TMEM132C: variants seen among roughly 807,000 people sequenced by gnomAD.
TMEM132C encodes the protein protein phosphatase 1, regulatory subunit 152.
A neutral mutation model predicts 61.4 loss-of-function variants in TMEM132C; 29 were observed. That is an observed-to-expected ratio of 0.47 (90% confidence interval 0.35 to 0.64). The LOEUF is 0.64. Among genes scored for constraint, TMEM132C ranks in the 30% least tolerant of loss-of-function variants. TMEM132C has a pLI of 0.00. For missense variants in TMEM132C, 1,408 were observed against 1,476.9 expected (o/e 0.95, Z 0.76); for synonymous variants, 656 against 633.1 (o/e 1.04, Z -0.54).
At chr12:128,654,385 G>A (rs1287709876) in intron 4 of TMEM132C, among the ~76,000 whole-genome samples, 2 of 152,264 alleles carry the variant, frequency 1.3e-5, no homozygotes, top group African/African-American at 4.8e-5. Context: ...CAGCCTCAGA[G>A]GGAGCACGGC....
Position 128,470,286 on chromosome 12 carries a change from A to C in TMEM132C, c.974+54666A>C, listed in dbSNP as rs1551602. Among the ~76,000 whole-genome samples the C allele has an allele frequency of 6.7e-3, 1,026 of 152,258 alleles. 11 individuals carry two copies. Among genetic ancestry groups the C allele is most frequent in the South Asian group, 0.044 (213 of 4,828 alleles). On this transcript the variant is annotated intron_variant, in intron 2 of 8. Transcript: ENST00000435159. ...TGCTTATGATGGACGATTTCCAACC[A>C]GTGAACTCTGACAGCAAAGAGGCAT...
intron 3 of TMEM132C, among the ~76,000 whole-genome samples, chr12:128,594,090 G>A (rs966225643): frequency 3.2e-5 from 4 of 124,218 alleles, no homozygotes; most frequent in African/African-American, 9.1e-5. Context: ...ATCAGCCAAG[G>A]GAGAGCCCCC....
At chr12:128,694,325 G>A (rs1285400174) in intron 6 of TMEM132C, among the ~76,000 whole-genome samples, 2 of 152,158 alleles carry the variant, frequency 1.3e-5, no homozygotes, top group Non-Finnish European at 2.9e-5. Flanking sequence ...TGGTTACCAG[G>A]TAATTTGAAG....
chr12:128,437,133 C>G (rs186542777), intron 2 of TMEM132C, among the ~76,000 whole-genome samples: 3 of 152,086 alleles, frequency 2.0e-5, no homozygotes, highest in Admixed American at 2.0e-4. Flanking sequence ...ACATCACACA[C>G]TGGGGCATGT....
chr12:128,442,392 C>T (rs2136048494), intron 2 of TMEM132C, among the ~76,000 whole-genome samples: 1 of 152,334 alleles, frequency 6.6e-6, no homozygotes, highest in African/African-American at 2.4e-5. Context: ...CTCGCCCTGA[C>T]TATTCATTAG....
intron 1 of TMEM132C, among the ~76,000 whole-genome samples, chr12:128,283,989 C>G (rs1199170184): frequency 6.6e-6 from 1 of 152,178 alleles, no homozygotes; most frequent in Non-Finnish European, 1.5e-5. Context: ...TACATGAACT[C>G]CATTATATTA....
chr12:128,631,997 G>C (rs193302292), intron 4 of TMEM132C, among the ~76,000 whole-genome samples: 1 of 152,270 alleles, frequency 6.6e-6, no homozygotes, highest in South Asian at 2.1e-4. Context: ...GAGTGGGGAT[G>C]GGGGGAAGGG....
chr12:128,288,001 G>C (rs1182177668), intron 1 of TMEM132C, among the ~76,000 whole-genome samples: 1 of 151,612 alleles, frequency 6.6e-6, no homozygotes, highest in Non-Finnish European at 1.5e-5. Flanking sequence ...TGTGTGTTTG[G>C]TGCAGTCTTA....
At chr12:128,331,963 T>C (rs1872675176) in intron 1 of TMEM132C, among the ~76,000 whole-genome samples, 1 of 152,212 alleles carries the variant, frequency 6.6e-6, no homozygotes. Context: ...TCATACTGTA[T>C]CTTTCTCCAG....
At chr12:128,672,012 A>C (rs960025796) in intron 5 of TMEM132C, among the ~76,000 whole-genome samples, 2 of 152,230 alleles carry the variant, frequency 1.3e-5, no homozygotes, top group Admixed American at 6.5e-5. Flanking sequence ...GCCACATTCA[A>C]AAAAAGTTTT....
intron 2 of TMEM132C, among the ~76,000 whole-genome samples, chr12:128,456,043 T>C (rs1565941536): frequency 6.6e-6 from 1 of 152,078 alleles, no homozygotes; most frequent in South Asian, 2.1e-4. Context: ...AGTAAATGCT[T>C]GGGATGATGT....
chr12:128,477,156 C>G (rs1181386452), intron 2 of TMEM132C, among the ~76,000 whole-genome samples: 2 of 152,150 alleles, frequency 1.3e-5, no homozygotes, highest in Non-Finnish European at 2.9e-5. Flanking sequence ...GGGGAGGGAA[C>G]TGGTTGGCCG....
At chr12:128,697,132 G>C (rs1309043261) in intron 7 of TMEM132C, 92 bp from the exon 8 acceptor site, 5 of 1,193,584 alleles carry the variant, frequency 4.2e-6, no homozygotes, top group Non-Finnish European at 5.8e-6. Context: ...TGGACCTCAG[G>C]CCTGTTGGGA....
chr12:128,378,298 A>G lies in TMEM132C; in HGVS notation c.86-36434A>G, dbSNP rs189977797. On this transcript the variant is annotated intron_variant, in intron 1 of 8. Coordinates refer to ENST00000435159, the MANE Select transcript of TMEM132C (RefSeq NM_001136103.3). ...CCCGGCTAATTTTTTTGTATTTTTT[A>G]GTAGAGACGGGGTTTGACCATGTTA... 6.3e-3 allele frequency among the ~76,000 whole-genome samples: 953 copies of G among 152,000 alleles called. 12 individuals are homozygous for G. Among genetic ancestry groups the G allele is most frequent in the African/African-American group, 0.02 (827 of 41,436 alleles).
At chr12:128,429,290 A>G (rs192950839) in intron 2 of TMEM132C, among the ~76,000 whole-genome samples, 49 of 152,328 alleles carry the variant, frequency 3.2e-4, no homozygotes, top group Non-Finnish European at 5.6e-4. Context: ...CAGCCTCCCC[A>G]CTAACCCCAC....
At chr12:128,476,609 A>C (rs1438423415) in intron 2 of TMEM132C, among the ~76,000 whole-genome samples, 1 of 152,218 alleles carries the variant, frequency 6.6e-6, no homozygotes, top group East Asian at 1.9e-4. Flanking sequence ...AAAACACAGA[A>C]TTTGCTAAAA....
In TMEM132C at chr12:128,670,961, T is replaced by C. The variant is rs76549926; in HGVS notation, c.1449+1401T>C. 9.9e-3 allele frequency among the ~76,000 whole-genome samples: 1,502 copies of C among 152,150 alleles called. 18 individuals are homozygous for C. Among genetic ancestry groups the C allele is most frequent in the African/African-American group, 0.034 (1,398 of 41,500 alleles). ...TTTCAAGGTTAGCAGCAAATTCTAA[T>C]TTTTTTTAATGGGCAAAAAAATAAA... On this transcript the variant is annotated intron_variant, in intron 5 of 8. Transcript: ENST00000435159.
In TMEM132C at chr12:128,466,162, T is replaced by C. The variant is rs11059705; in HGVS notation, c.974+50542T>C. On this transcript the variant is annotated intron_variant, in intron 2 of 8. Coordinates refer to ENST00000435159, the MANE Select transcript of TMEM132C (RefSeq NM_001136103.3). ...TGAGACAGCGATGCCGCTGCTGCGA[T>C]GGAGAACTAGCCAGCATGTGTGAAG... Among the ~76,000 whole-genome samples the C allele has an allele frequency of 7.1e-3, 1,087 of 152,198 alleles. 11 individuals carry two copies. The highest frequency in any genetic ancestry group is 0.024 in the African/African-American group (1,001 of 41,532).
chr12:128,493,757 G>A (rs1212347623), intron 2 of TMEM132C, among the ~76,000 whole-genome samples: 3 of 152,258 alleles, frequency 2.0e-5, no homozygotes, highest in Non-Finnish European at 2.9e-5. Flanking sequence ...GGGCTGAGAC[G>A]ATGGGGTTTT....
Sources: gnomAD v4.1 joint callset for allele counts (sites outside exome capture counted in the v4.1 genomes callset) on GRCh38, gnomAD v4.1.1 for gene constraint, MANE v1.5 for transcripts, NCBI Gene and HGNC (gene_info 2026-07-23, HGNC 2026-07-21) for gene names.